The following ZNF532 variants were observed in gnomAD, a reference collection of about 807,000 sequenced individuals.
The protein encoded by ZNF532 is zinc finger protein 532.
ZNF532 carries 22 observed loss-of-function variants against 89.3 expected under a neutral mutation model. That is an observed-to-expected ratio of 0.25 (90% confidence interval 0.18 to 0.35). The LOEUF (loss-of-function observed/expected upper bound fraction) is 0.35, where lower values mean the gene tolerates loss of function less well. Among genes scored for constraint, ZNF532 ranks in the 10% least tolerant of loss-of-function variants. ZNF532 has a pLI of 1.00. For missense variants in ZNF532, 1,132 were observed against 1,643.4 expected (o/e 0.69, Z 5.38); for synonymous variants, 606 against 649.6 (o/e 0.93, Z 1.02).
intron 2 of ZNF532, among the ~76,000 whole-genome samples, chr18:58,877,938 C>T (rs2057567271): frequency 8.2e-6 from 1 of 121,736 alleles, no homozygotes; most frequent in Non-Finnish European, 1.7e-5. Flanking sequence ...TGCCAAGAGT[C>T]AGGGTAAGTT....
intron 9 of ZNF532, among the ~76,000 whole-genome samples, chr18:58,982,508 G>T (rs1295701896): frequency 6.6e-6 from 1 of 151,844 alleles, no homozygotes; most frequent in Non-Finnish European, 1.5e-5. Context: ...GTAATCTCCA[G>T]CTACTCAGGA....
At chr18:58,900,138 C>T (rs142335324) in intron 2 of ZNF532, among the ~76,000 whole-genome samples, 123 of 152,320 alleles carry the variant, frequency 8.1e-4, no homozygotes, top group Admixed American at 1.9e-3. Flanking sequence ...TGGAGAGCTG[C>T]CCGGGAGGTC....
At chr18:58,934,315 A>C (rs2062190365) in intron 3 of ZNF532, 118 bp from the exon 4 acceptor site, 1 of 937,076 alleles carries the variant, frequency 1.1e-6, no homozygotes, top group Admixed American at 2.4e-5. Flanking sequence ...GCTTAGAATC[A>C]ATTACTGTAG....
At chr18:58,955,894 G>A (rs747836907) in intron 7 of ZNF532, among the ~76,000 whole-genome samples, 10 of 152,188 alleles carry the variant, frequency 6.6e-5, no homozygotes, top group Non-Finnish European at 1.0e-4. Context: ...CCAGGGTGCT[G>A]TCAGAGTCTG....
chr18:58,913,488 C>T (rs2060406725), intron 2 of ZNF532, among the ~76,000 whole-genome samples: 1 of 152,024 alleles, frequency 6.6e-6, no homozygotes, highest in Non-Finnish European at 1.5e-5. Context: ...CAGTGGCTCA[C>T]ACCTGTAATC....
intron 2 of ZNF532, among the ~76,000 whole-genome samples, chr18:58,888,755 A>AT (rs1294307163): frequency 0.031 from 1,059 of 34,488 alleles, 80 homozygotes; most frequent in East Asian, 0.13. Flanking sequence ...ATATATATAT[A>AT]AAATTAATAT....
chr18:58,908,529 A>G (rs1421075176), intron 2 of ZNF532, among the ~76,000 whole-genome samples: 1 of 152,238 alleles, frequency 6.6e-6, no homozygotes, highest in Non-Finnish European at 1.5e-5. Context: ...CATAAGAGAA[A>G]AAAATAAACA....
chr18:58,944,289 G>GT (rs1306549643), intron 5 of ZNF532, among the ~76,000 whole-genome samples: 1 of 152,162 alleles, frequency 6.6e-6, no homozygotes, highest in East Asian at 1.9e-4. Flanking sequence ...TTTGACCTGA[G>GT]TATGGGTATT....
At chr18:58,973,474 C>T (rs2066692604) in intron 7 of ZNF532, among the ~76,000 whole-genome samples, 1 of 152,176 alleles carries the variant, frequency 6.6e-6, no homozygotes, top group African/African-American at 2.4e-5. Flanking sequence ...ATACTACTGG[C>T]CACCCTGTAG....
intron 2 of ZNF532, among the ~76,000 whole-genome samples, chr18:58,914,896 ATC>A (rs1359232543): frequency 1.3e-5 from 2 of 152,226 alleles, no homozygotes; most frequent in Non-Finnish European, 2.9e-5. Flanking sequence ...AAGCAAAAGA[ATC>A]TATTTTTAAG....
intron 6 of ZNF532, among the ~76,000 whole-genome samples, chr18:58,952,685 C>T (rs1603282432): frequency 1.3e-5 from 2 of 152,170 alleles, no homozygotes; most frequent in South Asian, 2.1e-4. Flanking sequence ...GAATTATAGG[C>T]GTGAGCCACT....
intron 5 of ZNF532, among the ~76,000 whole-genome samples, chr18:58,947,794 G>A (rs2063791970): frequency 6.6e-6 from 1 of 152,272 alleles, no homozygotes; most frequent in Middle Eastern, 3.4e-3. Flanking sequence ...ACATGTGCCA[G>A]TTATAGATTT....
chr18:58,886,119 G>C (rs1010558484), intron 2 of ZNF532, among the ~76,000 whole-genome samples: 1 of 152,030 alleles, frequency 6.6e-6, no homozygotes, highest in Non-Finnish European at 1.5e-5. Context: ...TGGGACTACA[G>C]GTGTGTGCCA....
chr18:58,877,082 G>T (rs899997211), intron 2 of ZNF532, among the ~76,000 whole-genome samples: 2 of 152,010 alleles, frequency 1.3e-5, no homozygotes, highest in Non-Finnish European at 2.9e-5. Context: ...AAGCAGAAAA[G>T]AAAAGTGACT....
chr18:58,912,409 T>G (rs1388204710), intron 2 of ZNF532, among the ~76,000 whole-genome samples: 1 of 152,254 alleles, frequency 6.6e-6, no homozygotes, highest in East Asian at 1.9e-4. Context: ...TCTTTGACTG[T>G]GCGTATAAAC....
intron 3 of ZNF532, among the ~76,000 whole-genome samples, chr18:58,921,656 T>A (rs2061095409): frequency 6.6e-6 from 1 of 152,250 alleles, no homozygotes; most frequent in African/African-American, 2.4e-5. Context: ...TCAATCAGCC[T>A]TTTATCTCCA....
At chr18:58,896,581 A>G (rs1329403433) in intron 2 of ZNF532, 2 of 153,400 alleles carry the variant, frequency 1.3e-5, no homozygotes, top group African/African-American at 2.4e-5. Context: ...TCATCCACCC[A>G]TCCGTCTGTC....
rs1165488800 is a variant in ZNF532, at chr18:58,985,832, C to T, written c.*1366C>T. On this transcript the variant is annotated 3_prime_UTR_variant, in exon 10 of 10. Transcript: ENST00000591808. ...TATATATAGATACTTGCATGATATA[C>T]TGTAGTCAATGTTCGGTTCCTCAAA... The T allele has an allele frequency of 7.4e-6, 1 of 134,628 alleles. No individual in the cohort carries two copies. Among genetic ancestry groups the T allele is most frequent in the Admixed American group, 8.4e-5 (1 of 11,870 alleles). The allele number at this position is 134,628 out of a possible 1,614,324, so 8.3% of individuals were successfully genotyped here.
intron 2 of ZNF532, among the ~76,000 whole-genome samples, chr18:58,911,620 G>C (rs555944273): frequency 6.6e-6 from 1 of 152,290 alleles, no homozygotes; most frequent in Admixed American, 6.5e-5. Context: ...CCAGAAGTTC[G>C]AGGCTGCAGT....
Sources: allele counts gnomAD v4.1 joint callset (sites outside exome capture counted in the v4.1 genomes callset), GRCh38; gene constraint gnomAD v4.1.1; transcripts MANE v1.5; gene names NCBI Gene and HGNC (gene_info 2026-07-23, HGNC 2026-07-21).